The following LPCAT1 variants were observed in gnomAD, a reference collection of about 807,000 sequenced individuals.
LPCAT1 encodes the protein lysophosphatidylcholine acyltransferase 1.
LPCAT1 carries 23 observed loss-of-function variants against 60.9 expected under a neutral mutation model. That is an observed-to-expected ratio of 0.38 (90% CI 0.27 to 0.53). LPCAT1 has a LOEUF of 0.53. Among genes scored for constraint, LPCAT1 ranks in the 20% least tolerant of loss-of-function variants. LPCAT1 has a pLI of 0.82. For missense variants in LPCAT1, 622 were observed against 723.6 expected, an observed-to-expected ratio of 0.86 and a Z score of 1.61; for synonymous variants, 340 against 301.1, an observed-to-expected ratio of 1.13 and a Z score of -1.34.
chr5:1,508,812 G>A (rs1433063170), intron 1 of LPCAT1, among the ~76,000 whole-genome samples: 2 of 152,084 alleles, frequency 1.3e-5, no homozygotes, highest in East Asian at 1.9e-4. Context: ...CAATGCCCAG[G>A]CCCAGGCTCT....
At chr5:1,467,861 C>G (rs1478216689) in intron 12 of LPCAT1, among the ~76,000 whole-genome samples, 1 of 152,114 alleles carries the variant, frequency 6.6e-6, no homozygotes, top group Non-Finnish European at 1.5e-5. Context: ...TGGGGCTGCA[C>G]CATCCCCCGC....
chr5:1,507,483 C>A (rs929024055), intron 1 of LPCAT1, among the ~76,000 whole-genome samples: 1 of 152,254 alleles, frequency 6.6e-6, no homozygotes, highest in African/African-American at 2.4e-5. Flanking sequence ...AGCTTTGGTG[C>A]GGACTGCGGC....
chr5:1,466,695 C>T, intron 13 of LPCAT1, 54 bp downstream of exon 13: 2 of 1,544,478 alleles, frequency 1.3e-6, no homozygotes, highest in African/African-American at 2.7e-5. Flanking sequence ...GCCCCACACT[C>T]TGTCCAGCCC....
At chr5:1,464,775 CAA>C (rs958741276) in intron 13 of LPCAT1, among the ~76,000 whole-genome samples, 29 of 13,826 alleles carry the variant, frequency 2.1e-3, no homozygotes, top group East Asian at 7.3e-3. Context: ...ACACGGTAAC[CAA>C]ACACACGTGC....
intron 12 of LPCAT1, among the ~76,000 whole-genome samples, chr5:1,468,796 T>C (rs1734547513): frequency 6.6e-6 from 1 of 152,008 alleles, no homozygotes; most frequent in African/African-American, 2.4e-5. Flanking sequence ...GTGCTAGGAG[T>C]TCTGTGTCCA....
At chr5:1,492,785 A>T (rs1486527232) in intron 3 of LPCAT1, among the ~76,000 whole-genome samples, 1 of 152,140 alleles carries the variant, frequency 6.6e-6, no homozygotes, top group Non-Finnish European at 1.5e-5. Flanking sequence ...CGTGTTGGTG[A>T]TCTCCACAGG....
chr5:1,512,367 C>G (rs1178387440), intron 1 of LPCAT1, among the ~76,000 whole-genome samples: 1 of 152,158 alleles, frequency 6.6e-6, no homozygotes, highest in Non-Finnish European at 1.5e-5. Flanking sequence ...TCACAAGGCC[C>G]CGGCCCAAGA....
At position 1,480,538 on chromosome 5, in the gene LPCAT1, A is replaced by T. The variant is rs1250800085; in HGVS notation, c.761+404T>A. ...CGGTGTCTCTGCTGGGGGGACAGGG[A>T]CACTGACTCACAGCAGGGGCTGGCC... On this transcript the variant is annotated intron_variant, in intron 7 of 13. Coordinates refer to ENST00000283415, the MANE Select transcript of LPCAT1 (RefSeq NM_024830.5). The surrounding 1 kb of genome is among the most constrained non-coding windows in gnomAD (Gnocchi z 6.4). The T allele has an allele frequency of 2.1e-5, 4 of 192,258 alleles. No individual in the cohort carries two copies. Among genetic ancestry groups the T allele is most frequent in the Non-Finnish European group, 3.8e-5 (4 of 104,700 alleles). 11.9% of individuals were successfully genotyped at this position (192,258 alleles called of 1,614,324 possible). A position where few individuals can be genotyped will look rare whatever the true frequency, so the allele number is the denominator to read the frequency against.
At chr5:1,497,967 C>T (rs991567057) in intron 2 of LPCAT1, among the ~76,000 whole-genome samples, 10 of 152,234 alleles carry the variant, frequency 6.6e-5, no homozygotes, top group East Asian at 1.9e-4. Flanking sequence ...AACGATGCTA[C>T]GGTTTTTACA....
chr5:1,489,779 C>T lies in LPCAT1; in HGVS notation c.573G>A (p.Lys191=). 1.2e-6 allele frequency: 2 copies of T among 1,614,110 alleles called. No individual in the cohort carries two copies. The highest frequency in any genetic ancestry group is 1.7e-6 in the Non-Finnish European group (2 of 1,179,926). Residue 191 remains lysine, a synonymous_variant, in exon 4 of 14, where the codon AAG becomes AAA. Transcript: ENST00000283415. ...DSRRKTVEEI[K]RRAQSNGKWP... is the part of the protein sequence containing the mutation. ...ACTTTCCGTTGGACTGCGCCCGTCT[C>T]TTGATTTCTTCTACTGTTTTCCTGC... is the stretch of plus-strand genomic sequence containing the variant.
At chr5:1,510,598 G>A (rs1228655211) in intron 1 of LPCAT1, among the ~76,000 whole-genome samples, 1 of 152,234 alleles carries the variant, frequency 6.6e-6, no homozygotes, top group African/African-American at 2.4e-5. Context: ...AGCCAGTCTG[G>A]TCTTGGCCAT....
chr5:1,492,637 T>C (rs1471984742), intron 3 of LPCAT1, among the ~76,000 whole-genome samples: 3 of 152,232 alleles, frequency 2.0e-5, no homozygotes, highest in Admixed American at 2.0e-4. Context: ...CACAGCAGCA[T>C]GGCTGTGGCC....
At chr5:1,478,130 A>G (rs937525772) in intron 8 of LPCAT1, among the ~76,000 whole-genome samples, 1 of 152,234 alleles carries the variant, frequency 6.6e-6, no homozygotes, top group African/African-American at 2.4e-5. Flanking sequence ...GCGTTTTGCC[A>G]CCTCTTGCAT....
In LPCAT1 at chr5:1,494,869, G is replaced by A. The variant is rs145500943; in HGVS notation, c.324C>T (p.Phe108=). The change falls in exon 3 of 14, where the codon TTC becomes TTT. Residue 108 remains phenylalanine, a synonymous_variant. Transcript: ENST00000283415. ...LLKAIMRTMW[F]AGGFHRVAVK... is the part of the protein sequence containing the mutation. ...CGGCCACCCGGTGGAAGCCGCCGGC[G>A]AACCACATGGTGCGCATGATGGCCT... The A allele has an allele frequency of 1.1e-4, 172 of 1,612,990 alleles. No homozygotes were observed. The highest frequency in any genetic ancestry group is 2.8e-4 in the Admixed American group (17 of 59,952).
In LPCAT1 at chr5:1,477,298, G is replaced by A. The variant is rs868744197; in HGVS notation, c.899+106C>T. ...GCATGAAGCTGGTTCCCGCACTTCT[G>A]CAAGAATGCCTTTTCCTAACGCTGT... On this transcript the variant is annotated intron_variant, in intron 9 of 13. Coordinates refer to ENST00000283415, the MANE Select transcript of LPCAT1 (RefSeq NM_024830.5). This position sits in a 1 kb window ranked among gnomAD's most constrained non-coding sequence, Gnocchi z 6.0. The A allele has an allele frequency of 1.1e-6, 1 of 924,374 alleles. No homozygotes were observed. Among genetic ancestry groups the A allele is most frequent in the Non-Finnish European group, 1.7e-6 (1 of 592,670 alleles). The allele number at this position is 924,374 out of a possible 1,614,324, so 57.3% of individuals were successfully genotyped here. A position where few individuals can be genotyped will look rare whatever the true frequency, so the allele number is the denominator to read the frequency against.
Position 1,502,893 on chromosome 5 carries a change from CGA to C in LPCAT1, c.136-1292_136-1291del, listed in dbSNP as rs1736068619. 6.6e-6 allele frequency among the ~76,000 whole-genome samples: 1 copy of C among 152,148 alleles called. No homozygotes were observed. Among genetic ancestry groups the C allele is most frequent in the Non-Finnish European group, 1.5e-5 (1 of 68,036 alleles). ...TGCCACATGTGTCATTTTAAATTTT[CGA>C]GTGGCCACATTTAAAGGGAATGACA... On this transcript the variant is annotated intron_variant, in intron 1 of 13. Coordinates refer to ENST00000283415, the MANE Select transcript of LPCAT1 (RefSeq NM_024830.5). The surrounding 1 kb of genome is among the most constrained non-coding windows in gnomAD (Gnocchi z 5.5).
At chr5:1,517,477 G>A (rs573833001) in intron 1 of LPCAT1, among the ~76,000 whole-genome samples, 35 of 152,292 alleles carry the variant, frequency 2.3e-4, no homozygotes, top group African/African-American at 7.7e-4. Context: ...AGGGAGCCAC[G>A]TTCTCCGCTG....
In LPCAT1 at chr5:1,477,988, C is replaced by T. The variant is rs1335709005; in HGVS notation, c.817-502G>A. Among the ~76,000 whole-genome samples, 8 of 152,258 alleles carry T rather than the reference C, an allele frequency of 5.3e-5. No individual in the cohort carries two copies. ...TCACCCCCGTCAGTGCTCCTAGGAG[C>T]TCCTGCTGCCTACATCAGAACATCC... On this transcript the variant is annotated intron_variant, in intron 8 of 13. Coordinates refer to ENST00000283415, the MANE Select transcript of LPCAT1 (RefSeq NM_024830.5). This position sits in a 1 kb window ranked among gnomAD's most constrained non-coding sequence, Gnocchi z 6.0.
chr5:1,489,454 G>A (rs1214372533), intron 4 of LPCAT1, among the ~76,000 whole-genome samples: 3 of 152,216 alleles, frequency 2.0e-5, no homozygotes, highest in Non-Finnish European at 4.4e-5. Flanking sequence ...AAATCACACT[G>A]CACCAGGAGG....
Sources: allele counts gnomAD v4.1 joint callset (sites outside exome capture counted in the v4.1 genomes callset), GRCh38; gene constraint gnomAD v4.1.1; non-coding constraint Gnocchi (gnomAD v3.1); transcripts MANE v1.5; gene names NCBI Gene and HGNC (gene_info 2026-07-23, HGNC 2026-07-21).